EEA1: variants seen among roughly 807,000 people sequenced by gnomAD.
The protein encoded by EEA1 is early endosome antigen 1, 162kD.
EEA1 carries 111 observed loss-of-function variants against 209.2 expected under a neutral mutation model. The ratio of observed to expected loss-of-function variants is 0.53; its 90% CI spans 0.45 to 0.62. The LOEUF (loss-of-function observed/expected upper bound fraction) is 0.62, where lower values mean the gene tolerates loss of function less well. Ranked by LOEUF, EEA1 falls within the 20% of genes least tolerant of loss-of-function variation. The pLI, the probability that EEA1 is intolerant of heterozygous loss-of-function variation, is 0.00. For synonymous variants in EEA1, 536 were observed against 540.6 expected, an observed-to-expected ratio of 0.99 and a Z score of 0.12; for missense variants, 1,343 against 1,530.8, an observed-to-expected ratio of 0.88 and a Z score of 2.05.
chr12:92,789,407 C>A (rs956873857), intron 21 of EEA1, among the ~76,000 whole-genome samples: 5 of 152,098 alleles, frequency 3.3e-5, no homozygotes, highest in African/African-American at 9.7e-5. Context: ...AAACTTATGT[C>A]TCTAACTGCA....
At chr12:92,867,462 C>CA (rs549675846) in intron 2 of EEA1, among the ~76,000 whole-genome samples, 12 of 149,682 alleles carry the variant, frequency 8.0e-5, no homozygotes, top group Middle Eastern at 3.2e-3. Flanking sequence ...AAAAATTGGC[C>CA]AAAAAAAAGA....
At chr12:92,781,415 A>C (rs1873898783) in intron 23 of EEA1, among the ~76,000 whole-genome samples, 1 of 152,198 alleles carries the variant, frequency 6.6e-6, no homozygotes, top group Non-Finnish European at 1.5e-5. Context: ...TTCAACTATA[A>C]AACAAAAAAT....
intron 2 of EEA1, among the ~76,000 whole-genome samples, chr12:92,866,583 G>A (rs1316638143): frequency 6.6e-6 from 1 of 151,492 alleles, no homozygotes; most frequent in African/African-American, 2.4e-5. Context: ...GTTCCCCAGG[G>A]CTCTCTCATT....
At chr12:92,909,933 A>G (rs959218089) in intron 1 of EEA1, among the ~76,000 whole-genome samples, 1 of 151,958 alleles carries the variant, frequency 6.6e-6, no homozygotes, top group Non-Finnish European at 1.5e-5. Flanking sequence ...ACCGGAGGTC[A>G]GGAGTTTGAG....
intron 3 of EEA1, among the ~76,000 whole-genome samples, chr12:92,859,941 C>T (rs895328828): frequency 1.3e-4 from 20 of 152,220 alleles, no homozygotes; most frequent in South Asian, 4.1e-4. Flanking sequence ...TTGTATGTAA[C>T]GCAAGTTCCC....
chr12:92,785,948 A>C (rs1874114080), intron 22 of EEA1, among the ~76,000 whole-genome samples: 1 of 152,212 alleles, frequency 6.6e-6, no homozygotes. Context: ...CGCTGGCTTA[A>C]TGAAAGAATA....
At chr12:92,882,120 T>G (rs375774297) in intron 2 of EEA1, among the ~76,000 whole-genome samples, 39 of 152,244 alleles carry the variant, frequency 2.6e-4, no homozygotes, top group African/African-American at 4.8e-4. Flanking sequence ...TTCTTTTTTT[T>G]TTGTTGAGAC....
At chr12:92,826,108 T>G in intron 13 of EEA1, 58 bp downstream of exon 13, 1 of 1,553,542 alleles carries the variant, frequency 6.4e-7, no homozygotes, top group South Asian at 1.2e-5. Context: ...TTCTCTTATA[T>G]TCTATGTAAT....
At chr12:92,877,746 C>T (rs1384637865) in intron 2 of EEA1, among the ~76,000 whole-genome samples, 1 of 152,020 alleles carries the variant, frequency 6.6e-6, no homozygotes, top group African/African-American at 2.4e-5. Flanking sequence ...CTCCTGATCT[C>T]GTGATCTTGG....
intron 20 of EEA1, among the ~76,000 whole-genome samples, chr12:92,801,133 T>C (rs1184548341): frequency 1.3e-5 from 2 of 152,304 alleles, no homozygotes; most frequent in African/African-American, 4.8e-5. Flanking sequence ...AATATTTTGG[T>C]TGTTCTACAA....
At chr12:92,885,816 G>A (rs758506555) in intron 2 of EEA1, among the ~76,000 whole-genome samples, 14 of 152,138 alleles carry the variant, frequency 9.2e-5, no homozygotes, top group African/African-American at 3.4e-4. Context: ...GTGGACCTGC[G>A]CAGTTCAAAC....
chr12:92,786,762 C>T lies in EEA1; in HGVS notation c.3150+1105G>A, dbSNP rs990456157. On this transcript the variant is annotated intron_variant, in intron 22 of 28. Transcript: ENST00000322349. The stretch of plus-strand genomic sequence containing the variant: ...CACTACCAGGTTGTTTTCTAAAGTA[C>T]TATTTTCTTCATTTTACTCCTCTAT... Among the ~76,000 whole-genome samples, 5 of 152,148 alleles carry T rather than the reference C, an allele frequency of 3.3e-5. No homozygotes were observed. In the East Asian group the frequency reaches 9.6e-4, roughly 29 times the overall value.
intron 13 of EEA1, among the ~76,000 whole-genome samples, chr12:92,825,391 T>C (rs1876246808): frequency 1.3e-5 from 2 of 151,776 alleles, no homozygotes; most frequent in African/African-American, 2.4e-5. Flanking sequence ...GAGGCGGAGC[T>C]TGCAGTGAGC....
At chr12:92,880,354 G>A (rs1879081090) in intron 2 of EEA1, among the ~76,000 whole-genome samples, 1 of 152,074 alleles carries the variant, frequency 6.6e-6, no homozygotes, top group African/African-American at 2.4e-5. Context: ...ACTCTAACTG[G>A]AGTGCAGTAG....
At chr12:92,824,201 C>A (rs778083086) in intron 13 of EEA1, among the ~76,000 whole-genome samples, 1 of 152,204 alleles carries the variant, frequency 6.6e-6, no homozygotes, top group Admixed American at 6.5e-5. Context: ...CAATACTCTA[C>A]AATAAATCAG....
intron 14 of EEA1, among the ~76,000 whole-genome samples, 194 bp downstream of exon 14, chr12:92,819,114 A>T (rs1184960209): frequency 2.0e-5 from 3 of 152,198 alleles, no homozygotes; most frequent in Non-Finnish European, 4.4e-5. Flanking sequence ...TCCTTTGTCA[A>T]ATCATGTTAA....
rs1289280029 is a variant in EEA1, at chr12:92,773,952, G to T, written c.*2059C>A. The T allele has an allele frequency of 2.0e-5, 3 of 150,322 alleles. No individual in the cohort carries two copies. The highest frequency in any genetic ancestry group is 4.5e-5 in the Non-Finnish European group (3 of 67,192). The allele number at this position is 150,322 out of a possible 1,614,324, so 9.3% of individuals were successfully genotyped here. On this transcript the variant is annotated 3_prime_UTR_variant, in exon 29 of 29. Transcript: ENST00000322349. ...TAAAATTTTTTTGTGAGTATTTTGGGGGTAAAGGGGAGACAGACAGAAGGC... is the reference window on the plus strand; with the variant it reads ...TAAAATTTTTTTGTGAGTATTTTGGTGGTAAAGGGGAGACAGACAGAAGGC...
chr12:92,834,580 A>G (rs1389082701), intron 10 of EEA1, among the ~76,000 whole-genome samples: 7 of 149,572 alleles, frequency 4.7e-5, no homozygotes, highest in Non-Finnish European at 9.0e-5. Flanking sequence ...GAGTACTTAT[A>G]AGAGAGGATG....
intron 13 of EEA1, among the ~76,000 whole-genome samples, chr12:92,820,129 T>C (rs1875977497): frequency 6.6e-6 from 1 of 152,190 alleles, no homozygotes; most frequent in African/African-American, 2.4e-5. Flanking sequence ...CTAAAAAGGA[T>C]TTTTGTGTCT....
Sources: gnomAD v4.1 joint callset for allele counts (sites outside exome capture counted in the v4.1 genomes callset) on GRCh38, gnomAD v4.1.1 for gene constraint, MANE v1.5 for transcripts, NCBI Gene and HGNC (gene_info 2026-07-23, HGNC 2026-07-21) for gene names.